Variants in RHBDD1 observed in about 807,000 individuals in gnomAD.
RHBDD1 encodes rhomboid domain containing 1.
In RHBDD1, 38 loss-of-function variants were observed where a neutral mutation model predicts 36.3. The ratio of observed to expected loss-of-function variants is 1.05; its 90% CI spans 0.81 to 1.37. The LOEUF (loss-of-function observed/expected upper bound fraction) is 1.37. Among genes scored for constraint, RHBDD1 ranks in the 40% most tolerant of loss-of-function variants. RHBDD1 has a pLI of 0.00. For missense variants in RHBDD1, 393 were observed against 377.6 expected (o/e 1.04, Z -0.34); for synonymous variants, 151 against 136.5 (o/e 1.11, Z -0.74).
intron 5 of RHBDD1, among the ~76,000 whole-genome samples, chr2:226,878,124 C>T (rs115732111): frequency 0.018 from 2,811 of 152,240 alleles, 42 homozygotes; most frequent in Non-Finnish European, 0.027. Context: ...TCTCTAGTCA[C>T]GGGAAGACTG....
At chr2:226,960,170 T>C (rs550127581) in intron 8 of RHBDD1, among the ~76,000 whole-genome samples, 141 of 152,338 alleles carry the variant, frequency 9.3e-4, no homozygotes, top group African/African-American at 3.3e-3. Flanking sequence ...AAGTGCTGGT[T>C]CTATTTTACA....
chr2:226,829,411 G>A, the RHBDD1 span, among the ~76,000 whole-genome samples: 1 of 152,250 alleles, frequency 6.6e-6, no homozygotes, highest in South Asian at 2.1e-4. Context: ...AAAAAAGCCT[G>A]CTGAAATTTT....
intron 6 of RHBDD1, 176 bp from the exon 7 acceptor site, chr2:226,908,646 C>CAG: frequency 1.6e-6 from 1 of 620,374 alleles, no homozygotes; most frequent in Non-Finnish European, 2.9e-6. Context: ...GGGACACACA[C>CAG]ACACTCTTTT....
rs1430310668 is a variant in RHBDD1 at position 226,998,634 on chromosome 2, TAGAG to T, written c.*3115_*3118del. The T allele has an allele frequency of 6.6e-6, 1 of 152,186 alleles. No individual in the cohort carries two copies. Among genetic ancestry groups the T allele is most frequent in the Admixed American group, 6.5e-5 (1 of 15,276 alleles). The allele number at this position is 152,186 out of a possible 1,614,324, so 9.4% of individuals were successfully genotyped here. A position where few individuals can be genotyped will look rare whatever the true frequency, so the allele number is the denominator to read the frequency against. Reference sequence around the variant, plus strand: ...ATTTTAGAATCACAGACTCTCAGCTTAGAGAGTCACAGTATCTCAATTATTTGCT... The same window carrying T: ...ATTTTAGAATCACAGACTCTCAGCTTAGTCACAGTATCTCAATTATTTGCT... On this transcript the variant is annotated 3_prime_UTR_variant, in exon 9 of 9. Transcript: ENST00000392062.
intron 8 of RHBDD1, among the ~76,000 whole-genome samples, chr2:226,987,666 GA>G (rs1287444090): frequency 6.6e-6 from 1 of 152,234 alleles, no homozygotes; most frequent in Non-Finnish European, 1.5e-5. Flanking sequence ...TGAGGGGCCT[GA>G]GGCCCAGGGA....
the RHBDD1 span, among the ~76,000 whole-genome samples, chr2:226,803,184 C>T: frequency 1.3e-5 from 2 of 151,954 alleles, no homozygotes; most frequent in Non-Finnish European, 2.9e-5. Flanking sequence ...TTTAAGATGG[C>T]TCAATAGTAA....
intron 7 of RHBDD1, among the ~76,000 whole-genome samples, chr2:226,912,380 T>G (rs1453284159): frequency 6.6e-6 from 1 of 152,152 alleles, no homozygotes; most frequent in Non-Finnish European, 1.5e-5. Flanking sequence ...TGAAACCATA[T>G]GTCCACCTAA....
the RHBDD1 span, among the ~76,000 whole-genome samples, chr2:226,805,767 T>C: frequency 3.3e-5 from 5 of 152,226 alleles, no homozygotes; most frequent in Admixed American, 3.3e-4. Context: ...TCAGTAATGA[T>C]GAATGTCCCA....
At chr2:226,946,367 T>G (rs1331234027) in intron 8 of RHBDD1, among the ~76,000 whole-genome samples, 2 of 152,186 alleles carry the variant, frequency 1.3e-5, no homozygotes, top group African/African-American at 2.4e-5. Context: ...ATGTGTGGTG[T>G]TATTTCTGAG....
chr2:226,833,438 C>G (rs953525996), upstream of RHBDD1, among the ~76,000 whole-genome samples: 4 of 152,288 alleles, frequency 2.6e-5, no homozygotes, highest in African/African-American at 9.6e-5. Context: ...CCTGCCAGTC[C>G]TGGATTTGTG....
Position 226,998,847 on chromosome 2 carries a change from C to G in RHBDD1, c.*3325C>G, listed in dbSNP as rs919015310. On this transcript the variant is annotated 3_prime_UTR_variant, in exon 9 of 9. Coordinates refer to ENST00000392062, the MANE Select transcript of RHBDD1 (RefSeq NM_001167608.3). ...GCTTCAACCAGCCTTTGGACCTCAG[C>G]CCCATTTATCCATCACAGAGGCTGG... is the stretch of plus-strand genomic sequence containing the variant. 2.6e-5 allele frequency: 4 copies of G among 152,210 alleles called. No homozygotes were observed. Among genetic ancestry groups the G allele is most frequent in the African/African-American group, 9.7e-5 (4 of 41,438 alleles). 9.4% of individuals were successfully genotyped at this position (152,210 alleles called of 1,614,324 possible). A position where few individuals can be genotyped will look rare whatever the true frequency, so the allele number is the denominator to read the frequency against.
intron 8 of RHBDD1, among the ~76,000 whole-genome samples, chr2:226,920,862 A>G (rs1407294039): frequency 6.6e-6 from 1 of 152,140 alleles, no homozygotes; most frequent in African/African-American, 2.4e-5. Context: ...TCAGGATAAT[A>G]CTGGCCTCAT....
chr2:226,843,981 A>G (rs983861450), intron 3 of RHBDD1, among the ~76,000 whole-genome samples: 10 of 152,094 alleles, frequency 6.6e-5, no homozygotes, highest in African/African-American at 1.9e-4. Flanking sequence ...CAGGGATTCA[A>G]TTTCTTCCTG....
At chr2:226,952,452 C>A (rs1347031181) in intron 8 of RHBDD1, among the ~76,000 whole-genome samples, 1 of 152,056 alleles carries the variant, frequency 6.6e-6, no homozygotes, top group Non-Finnish European at 1.5e-5. Flanking sequence ...CACATGCCAC[C>A]ACGCCCAGCT....
intron 5 of RHBDD1, among the ~76,000 whole-genome samples, chr2:226,889,352 C>A (rs775420044): frequency 2.0e-5 from 3 of 152,076 alleles, no homozygotes; most frequent in African/African-American, 7.3e-5. Flanking sequence ...GCTTGAGGTC[C>A]CCCTTTGATC....
chr2:226,813,427 A>G, the RHBDD1 span, among the ~76,000 whole-genome samples: 2 of 152,212 alleles, frequency 1.3e-5, no homozygotes, highest in African/African-American at 4.8e-5. Flanking sequence ...GGATGGCATT[A>G]TAAGAGAGGA....
intron 5 of RHBDD1, among the ~76,000 whole-genome samples, chr2:226,898,667 A>G (rs139890885): frequency 6.6e-6 from 1 of 152,346 alleles, no homozygotes; most frequent in African/African-American, 2.4e-5. Flanking sequence ...GTTAAGAAGA[A>G]GCAATCCTGT....
Position 226,932,385 on chromosome 2 carries a change from C to T in RHBDD1, c.856+18034C>T, listed in dbSNP as rs114529991. 3.5e-3 allele frequency among the ~76,000 whole-genome samples: 536 copies of T among 152,178 alleles called. 2 individuals are homozygous for T. The highest frequency in any genetic ancestry group is 0.012 in the African/African-American group (490 of 41,528). ...TCTGTATCCCTACTGATTGTCTCCT[C>T]GATTTAATGAATTCTGTTAGTATTT... On this transcript the variant is annotated intron_variant, in intron 8 of 8. Transcript: ENST00000392062.
chr2:226,918,935 T>C (rs1443023476), intron 8 of RHBDD1, among the ~76,000 whole-genome samples: 3 of 152,094 alleles, frequency 2.0e-5, no homozygotes, highest in African/African-American at 4.8e-5. Context: ...ACACCAAAAG[T>C]GTACAAGGGT....
Sources: allele counts gnomAD v4.1 joint callset (sites outside exome capture counted in the v4.1 genomes callset), GRCh38; gene constraint gnomAD v4.1.1; transcripts MANE v1.5; gene names NCBI Gene and HGNC (gene_info 2026-07-23, HGNC 2026-07-21).